CADPS2: variants seen among roughly 807,000 people sequenced by gnomAD.
CADPS2 encodes calcium dependent secretion activator 2, also known as calcium-dependent secretion activator 2.
In CADPS2, 93 loss-of-function variants were observed where a neutral mutation model predicts 172.5. The ratio of observed to expected loss-of-function variants is 0.54; its 90% CI spans 0.46 to 0.64. The LOEUF is 0.64. Among genes scored for constraint, CADPS2 ranks in the 30% least tolerant of loss-of-function variants. The pLI is 0.00. For synonymous variants in CADPS2, 546 were observed against 555.2 expected (o/e 0.98, Z 0.23); for missense variants, 1,420 against 1,565.9 (o/e 0.91, Z 1.57).
At chr7:122,798,665 G>A (rs1478607349) in intron 1 of CADPS2, among the ~76,000 whole-genome samples, 1 of 151,998 alleles carries the variant, frequency 6.6e-6, no homozygotes, top group Non-Finnish European at 1.5e-5. Flanking sequence ...TCCATCACAA[G>A]CAATTTTTTT....
intron 4 of CADPS2, among the ~76,000 whole-genome samples, chr7:122,628,922 G>T (rs2076320012): frequency 2.0e-5 from 3 of 151,270 alleles, no homozygotes; most frequent in Non-Finnish European, 2.9e-5. Flanking sequence ...TTTTCTCCCT[G>T]GTTATATTTT....
chr7:122,623,806 T>C (rs1423186534), intron 4 of CADPS2, among the ~76,000 whole-genome samples: 2 of 152,134 alleles, frequency 1.3e-5, no homozygotes, highest in Non-Finnish European at 1.5e-5. Context: ...AAAAGTAGAG[T>C]TTAACAAAGA....
intron 25 of CADPS2, among the ~76,000 whole-genome samples, chr7:122,368,866 T>A (rs566626469): frequency 3.9e-5 from 6 of 152,146 alleles, no homozygotes; most frequent in South Asian, 2.1e-4. Context: ...GAAAAGGCTG[T>A]CAGTTTTTAA....
chr7:122,554,014 A>G (rs911704246), intron 8 of CADPS2, among the ~76,000 whole-genome samples: 1 of 151,846 alleles, frequency 6.6e-6, no homozygotes, highest in African/African-American at 2.4e-5. Flanking sequence ...GATCCCCAGG[A>G]GACAGTCCCT....
chr7:122,549,646 A>T (rs899578597), intron 8 of CADPS2, among the ~76,000 whole-genome samples: 18 of 150,958 alleles, frequency 1.2e-4, no homozygotes, highest in African/African-American at 3.6e-4. Context: ...GTATTAATTA[A>T]TATTATTATT....
chr7:122,424,562 T>C (rs1222964177), intron 17 of CADPS2: 3 of 152,232 alleles, frequency 2.0e-5, no homozygotes, highest in African/African-American at 7.2e-5. Context: ...TATTGAGGCA[T>C]AATCTTCTCT....
chr7:122,759,890 A>T (rs2093316662), intron 1 of CADPS2, among the ~76,000 whole-genome samples: 1 of 152,112 alleles, frequency 6.6e-6, no homozygotes. Flanking sequence ...TTCCTAAGTG[A>T]GCGTATAAAA....
intron 17 of CADPS2, among the ~76,000 whole-genome samples, chr7:122,424,803 T>C (rs2048943195): frequency 1.3e-5 from 2 of 152,260 alleles, no homozygotes; most frequent in East Asian, 1.9e-4. Flanking sequence ...GGGACGAATA[T>C]ATCTACAGCA....
rs540213290 is a variant in CADPS2, at chr7:122,427,901, C to T, written c.2476+10440G>A. ...TATTATTAAGTCATCCCTCCTAGGT[C>T]ATGGAATAGCTCTATCTCTATCTAG... On this transcript the variant is annotated intron_variant, in intron 17 of 29. Coordinates refer to ENST00000449022, the MANE Select transcript of CADPS2 (RefSeq NM_017954.11). Among the ~76,000 whole-genome samples the T allele has an allele frequency of 2.6e-5, 4 of 152,250 alleles. No individual in the cohort carries two copies. The East Asian group carries it at 7.7e-4, about 29-fold the overall frequency.
chr7:122,648,422 A>C (rs1261688142), intron 3 of CADPS2, among the ~76,000 whole-genome samples: 1 of 152,154 alleles, frequency 6.6e-6, no homozygotes, highest in Non-Finnish European at 1.5e-5. Context: ...GACATGGACA[A>C]TCAATATTTG....
intron 1 of CADPS2, among the ~76,000 whole-genome samples, chr7:122,882,996 A>T (rs1823347300): frequency 6.6e-6 from 1 of 152,122 alleles, no homozygotes; most frequent in South Asian, 2.1e-4. Flanking sequence ...TTTCTGTAAA[A>T]CCATCAGTGG....
At chr7:122,760,733 G>A (rs2093350566) in intron 1 of CADPS2, among the ~76,000 whole-genome samples, 1 of 145,442 alleles carries the variant, frequency 6.9e-6, no homozygotes, top group Admixed American at 7.4e-5. Flanking sequence ...AACACCGCAT[G>A]TTCTCACTCA....
At chr7:122,820,041 T>C (rs1406324406) in intron 1 of CADPS2, among the ~76,000 whole-genome samples, 1 of 152,176 alleles carries the variant, frequency 6.6e-6, no homozygotes. Flanking sequence ...CAGACAAGCC[T>C]TACAAGTTAG....
intron 1 of CADPS2, among the ~76,000 whole-genome samples, chr7:122,787,315 A>G (rs752618374): frequency 2.6e-5 from 4 of 152,232 alleles, no homozygotes; most frequent in Non-Finnish European, 5.9e-5. Flanking sequence ...ACTTTTGCAT[A>G]TATATGTATT....
intron 25 of CADPS2, among the ~76,000 whole-genome samples, chr7:122,374,447 G>A (rs1209841328): frequency 6.6e-6 from 1 of 151,556 alleles, no homozygotes; most frequent in African/African-American, 2.4e-5. Context: ...AAGTAAAGAA[G>A]AAAAAGAAAA....
chr7:122,345,500 T>G, intron 28 of CADPS2, 74 bp downstream of exon 28: 1 of 877,600 alleles, frequency 1.1e-6, no homozygotes, highest in Non-Finnish European at 1.8e-6. Context: ...TTTGCAAACA[T>G]ACCATCAAAA....
At chr7:122,325,759 G>GA (rs2033708703) in intron 28 of CADPS2, among the ~76,000 whole-genome samples, 178 bp from the exon 29 acceptor site, 1 of 152,102 alleles carries the variant, frequency 6.6e-6, no homozygotes, top group Admixed American at 6.6e-5. Context: ...TGCTTTGCTA[G>GA]AAAATCTGTT....
At chr7:122,861,992 C>T (rs968991866) in intron 1 of CADPS2, among the ~76,000 whole-genome samples, 1 of 152,166 alleles carries the variant, frequency 6.6e-6, no homozygotes, top group African/African-American at 2.4e-5. Context: ...TTTTAGACCT[C>T]CATAGAATCA....
chr7:122,414,140 A>G, intron 18 of CADPS2, 64 bp from the exon 19 acceptor site: 2 of 1,297,178 alleles, frequency 1.5e-6, no homozygotes, highest in Non-Finnish European at 2.1e-6. Flanking sequence ...GTTACAAAAC[A>G]TCTTTAAAAA....
Sources: gnomAD v4.1 joint callset for allele counts (sites outside exome capture counted in the v4.1 genomes callset) on GRCh38, gnomAD v4.1.1 for gene constraint, MANE v1.5 for transcripts, NCBI Gene and HGNC (gene_info 2026-07-23, HGNC 2026-07-21) for gene names.